Variants in TMEFF2 observed in about 807,000 individuals in gnomAD.
TMEFF2 encodes transmembrane protein with EGF like and two follistatin like domains 2.
Under a neutral mutation model 53.8 loss-of-function variants are expected in TMEFF2, and 28 were observed. The ratio of observed to expected loss-of-function variants is 0.52; its 90% CI spans 0.39 to 0.71. The LOEUF (loss-of-function observed/expected upper bound fraction) is 0.71, where lower values mean the gene tolerates loss of function less well. Among genes scored for constraint, TMEFF2 ranks in the 30% least tolerant of loss-of-function variants. The pLI is 0.00. For synonymous variants in TMEFF2, 162 were observed against 166.3 expected, an observed-to-expected ratio of 0.97 and a Z score of 0.20; for missense variants, 353 against 455.2, an observed-to-expected ratio of 0.78 and a Z score of 2.04.
intron 7 of TMEFF2, among the ~76,000 whole-genome samples, chr2:191,961,598 T>C (rs1252348345): frequency 6.6e-6 from 1 of 152,196 alleles, no homozygotes; most frequent in African/African-American, 2.4e-5. Context: ...GTTCTCCTTA[T>C]ATTTACATTG....
intron 5 of TMEFF2, among the ~76,000 whole-genome samples, chr2:192,000,231 A>G (rs1019701941): frequency 2.6e-5 from 4 of 152,086 alleles, no homozygotes; most frequent in African/African-American, 7.2e-5. Flanking sequence ...TAAATAGATT[A>G]TATGTTTCTC....
chr2:192,147,444 T>TA (rs1690280101), intron 4 of TMEFF2, among the ~76,000 whole-genome samples: 1 of 152,118 alleles, frequency 6.6e-6, no homozygotes, highest in African/African-American at 2.4e-5. Flanking sequence ...ACTCGTCATT[T>TA]ACGTTAGGTA....
intron 7 of TMEFF2, among the ~76,000 whole-genome samples, chr2:191,981,495 C>T (rs561800423): frequency 2.0e-5 from 3 of 152,240 alleles, no homozygotes; most frequent in African/African-American, 7.2e-5. Flanking sequence ...TATACCTGAT[C>T]CCCAGGCAGG....
chr2:191,983,107 C>CTT (rs754374839), intron 7 of TMEFF2, among the ~76,000 whole-genome samples: 3 of 152,216 alleles, frequency 2.0e-5, no homozygotes, highest in South Asian at 2.1e-4. Flanking sequence ...CACTCTAATG[C>CTT]TTTAAAAACA....
intron 4 of TMEFF2, among the ~76,000 whole-genome samples, chr2:192,162,686 G>GA (rs953132598): frequency 6.6e-5 from 10 of 151,654 alleles, no homozygotes; most frequent in East Asian, 1.9e-4. Flanking sequence ...GTCTTAGGGG[G>GA]AAAAAAAATT....
intron 4 of TMEFF2, among the ~76,000 whole-genome samples, chr2:192,081,407 C>A (rs981705683): frequency 6.6e-6 from 1 of 152,178 alleles, no homozygotes; most frequent in African/African-American, 2.4e-5. Context: ...GAAGTAATTT[C>A]TTTCCAGCCT....
chr2:191,964,341 TTTC>T (rs1559063315), intron 7 of TMEFF2, among the ~76,000 whole-genome samples: 2 of 47,208 alleles, frequency 4.2e-5, no homozygotes, highest in Non-Finnish European at 8.9e-5. Context: ...TCCTTCTTTC[TTTC>T]TTTCTTTCTT....
At chr2:191,989,384 A>G (rs1374367386) in intron 7 of TMEFF2, among the ~76,000 whole-genome samples, 1 of 152,128 alleles carries the variant, frequency 6.6e-6, no homozygotes, top group Admixed American at 6.6e-5. Context: ...CTAGCCAAGG[A>G]CACTTATTTA....
chr2:192,178,728 A>C, intron 4 of TMEFF2: 1 of 151,262 alleles, frequency 6.6e-6, no homozygotes, highest in Middle Eastern at 3.2e-3. Flanking sequence ...GCCACCCTGA[A>C]CCCAAGGCCT....
intron 7 of TMEFF2, among the ~76,000 whole-genome samples, chr2:191,997,363 A>G (rs1686249052): frequency 6.6e-6 from 1 of 151,854 alleles, no homozygotes; most frequent in Non-Finnish European, 1.5e-5. Context: ...TTTAAATTTC[A>G]TACACATTTA....
intron 2 of TMEFF2, among the ~76,000 whole-genome samples, chr2:192,189,058 C>T (rs1051234118): frequency 6.6e-6 from 1 of 152,064 alleles, no homozygotes; most frequent in Non-Finnish European, 1.5e-5. Context: ...AAACAATTAT[C>T]TCACCGGGTT....
chr2:192,015,446 A>G (rs1329196277), intron 5 of TMEFF2, among the ~76,000 whole-genome samples: 1 of 150,556 alleles, frequency 6.6e-6, no homozygotes, highest in Non-Finnish European at 1.5e-5. Context: ...ATTTATGATT[A>G]AAGTCTGCAA....
At chr2:191,961,611 C>G (rs1692275989) in intron 7 of TMEFF2, among the ~76,000 whole-genome samples, 1 of 152,046 alleles carries the variant, frequency 6.6e-6, no homozygotes, top group Non-Finnish European at 1.5e-5. Context: ...TTACATTGTG[C>G]CTGGGACAGA....
chr2:192,098,126 T>G (rs2105941624), intron 4 of TMEFF2, among the ~76,000 whole-genome samples: 1 of 152,306 alleles, frequency 6.6e-6, no homozygotes. Flanking sequence ...TTCTCAAATT[T>G]GAATTTAACC....
At chr2:191,971,653 C>T (rs1432151179) in intron 7 of TMEFF2, among the ~76,000 whole-genome samples, 1 of 152,178 alleles carries the variant, frequency 6.6e-6, no homozygotes, top group East Asian at 1.9e-4. Flanking sequence ...ATCCTACTCA[C>T]ACCTAATTAA....
intron 4 of TMEFF2, among the ~76,000 whole-genome samples, chr2:192,080,699 A>G (rs1179811436): frequency 6.6e-6 from 1 of 152,142 alleles, no homozygotes; most frequent in Non-Finnish European, 1.5e-5. Flanking sequence ...TCCTTGTTTG[A>G]CTACAATAAA....
At chr2:192,082,518 A>C in intron 4 of TMEFF2, among the ~76,000 whole-genome samples, 1 of 152,172 alleles carries the variant, frequency 6.6e-6, no homozygotes, top group East Asian at 1.9e-4. Context: ...ACATTTTGTC[A>C]CTTTTTTTCA....
chr2:192,065,032 A>G (rs113599230), intron 4 of TMEFF2, among the ~76,000 whole-genome samples: 7 of 152,006 alleles, frequency 4.6e-5, no homozygotes, highest in African/African-American at 1.7e-4. Flanking sequence ...ATATTTTTAC[A>G]TCACTTTCCA....
intron 7 of TMEFF2, among the ~76,000 whole-genome samples, chr2:191,988,908 A>C (rs1686040916): frequency 6.6e-6 from 1 of 152,224 alleles, no homozygotes; most frequent in Non-Finnish European, 1.5e-5. Context: ...CAGGATAATT[A>C]GTACATTCAC....
Sources: gnomAD v4.1 joint callset for allele counts (sites outside exome capture counted in the v4.1 genomes callset) on GRCh38, gnomAD v4.1.1 for gene constraint, MANE v1.5 for transcripts, NCBI Gene and HGNC (gene_info 2026-07-23, HGNC 2026-07-21) for gene names.